SETD5: variants seen among roughly 807,000 people sequenced by gnomAD.
SETD5 encodes the protein SET domain containing 5.
Under a neutral mutation model 153.3 loss-of-function variants are expected in SETD5, and 44 were observed. That is an observed-to-expected ratio of 0.29 (90% CI 0.23 to 0.37). The LOEUF (loss-of-function observed/expected upper bound fraction) is 0.37, where lower values mean the gene tolerates loss of function less well. Among genes scored for constraint, SETD5 ranks in the 10% least tolerant of loss-of-function variants. The pLI, the probability that SETD5 is intolerant of heterozygous loss-of-function variation, is 1.00. For missense variants in SETD5, 1,544 were observed against 1,768.0 expected, an observed-to-expected ratio of 0.87 and a Z score of 2.27; for synonymous variants, 716 against 645.2, an observed-to-expected ratio of 1.11 and a Z score of -1.66.
chr3:9,436,295 T>G (rs1025254958), intron 7 of SETD5, among the ~76,000 whole-genome samples: 1 of 152,208 alleles, frequency 6.6e-6, no homozygotes, highest in African/African-American at 2.4e-5. Flanking sequence ...TTGGGTTGAT[T>G]GTTTTTCCTT....
At chr3:9,459,999 T>C (rs2043758824) in intron 17 of SETD5, among the ~76,000 whole-genome samples, 1 of 151,942 alleles carries the variant, frequency 6.6e-6, no homozygotes, top group South Asian at 2.1e-4. Context: ...TTACCATTAT[T>C]ATTTAATATA....
At chr3:9,399,887 C>T (rs1485970238) in intron 1 of SETD5, among the ~76,000 whole-genome samples, 1 of 145,018 alleles carries the variant, frequency 6.9e-6, no homozygotes, top group Admixed American at 7.1e-5. Context: ...AAGGTTGTTC[C>T]TTTGGGTTGG....
rs973542452 is a variant in SETD5, at chr3:9,478,151, A to G, written c.*2060A>G. The G allele has an allele frequency of 6.5e-6, 1 of 153,834 alleles. No individual in the cohort carries two copies. Among genetic ancestry groups the G allele is most frequent in the African/African-American group, 2.4e-5 (1 of 41,448 alleles). The allele number at this position is 153,834 out of a possible 1,614,324, so 9.5% of individuals were successfully genotyped here. A position where few individuals can be genotyped will look rare whatever the true frequency, so the allele number is the denominator to read the frequency against. On this transcript the variant is annotated 3_prime_UTR_variant, in exon 23 of 23. Transcript: ENST00000402198. ...CTTAACCATAATAATCATAAAGTTG[A>G]GAACTTCTTTGTCCAATTTTGTGGC... is the stretch of plus-strand genomic sequence containing the variant.
intron 17 of SETD5, among the ~76,000 whole-genome samples, chr3:9,459,172 G>T (rs1045864789): frequency 1.3e-5 from 2 of 152,120 alleles, no homozygotes; most frequent in African/African-American, 2.4e-5. Flanking sequence ...ACGAAACTCT[G>T]TAGTCAAATT....
At chr3:9,406,941 T>C (rs2035794196) in intron 1 of SETD5, among the ~76,000 whole-genome samples, 1 of 152,214 alleles carries the variant, frequency 6.6e-6, no homozygotes, top group Non-Finnish European at 1.5e-5. Context: ...GTCACCTTAT[T>C]GGTGGCATAT....
chr3:9,445,472 A>G, intron 12 of SETD5, 172 bp downstream of exon 12: 2 of 940,026 alleles, frequency 2.1e-6, no homozygotes, highest in Non-Finnish European at 1.6e-6. Flanking sequence ...AGTCAAAAAC[A>G]TCCTTTGCTG....
At position 9,435,885 on chromosome 3, in the gene SETD5, A is replaced by G. The variant is rs745565709; in HGVS notation, c.546A>G (p.Ala182=). Reference sequence around the variant, plus strand: ...AGAGTCCAGAAAAGGGTCGTGCAGCACCAAAGACGAAGAAAATCAAGGTAT... The same window carrying G: ...AGAGTCCAGAAAAGGGTCGTGCAGCGCCAAAGACGAAGAAAATCAAGGTAT... The part of the protein sequence containing the change: ...RKKSPEKGRA[A]PKTKKIKNSP... Residue 182 remains alanine (A), a synonymous_variant, in exon 7 of 23, where the codon GCA becomes GCG. Coordinates refer to ENST00000402198, the MANE Select transcript of SETD5 (RefSeq NM_001080517.3). 21 of 1,588,030 alleles carry G rather than the reference A, an allele frequency of 1.3e-5. No homozygotes were observed. The highest frequency in any genetic ancestry group is 1.8e-5 in the Admixed American group (1 of 55,186).
intron 1 of SETD5, among the ~76,000 whole-genome samples, chr3:9,419,122 C>T (rs534345127): frequency 1.1e-4 from 16 of 152,282 alleles, no homozygotes; most frequent in South Asian, 8.3e-4. Flanking sequence ...CCACCACACC[C>T]GGCCCACTTA....
rs117546159 is a variant in SETD5, at chr3:9,419,551, C to A, written c.-176-4916C>A. ...AAAGCACTCCAACCTGAGTGACAGA[C>A]CCTGTCTCAAAAATAAAAATAAAAA... On this transcript the variant is annotated intron_variant, in intron 1 of 22. Coordinates refer to ENST00000402198, the MANE Select transcript of SETD5 (RefSeq NM_001080517.3). 1.1e-4 allele frequency among the ~76,000 whole-genome samples: 17 copies of A among 152,152 alleles called. No homozygotes were observed. In the East Asian group the frequency reaches 3.3e-3, roughly 29 times the overall value.
intron 9 of SETD5, 113 bp downstream of exon 9, chr3:9,441,854 C>G (rs2041331890): frequency 1.6e-6 from 2 of 1,285,624 alleles, no homozygotes; most frequent in Non-Finnish European, 2.2e-6. Flanking sequence ...AATCACAACT[C>G]AGATAAGCTC....
intron 6 of SETD5, among the ~76,000 whole-genome samples, chr3:9,435,157 C>T (rs555135688): frequency 2.7e-5 from 4 of 150,340 alleles, no homozygotes; most frequent in East Asian, 2.0e-4. Flanking sequence ...GCAGGAGAAT[C>T]GCTTGAACCC....
intron 16 of SETD5, among the ~76,000 whole-genome samples, chr3:9,452,672 T>C (rs1464444062): frequency 2.0e-5 from 3 of 150,122 alleles, no homozygotes; most frequent in Non-Finnish European, 3.0e-5. Context: ...TTTTTTTTTT[T>C]TTTTTTTTTT....
At chr3:9,429,916 G>A (rs2039772298) in intron 3 of SETD5, 1 of 1,303,296 alleles carries the variant, frequency 7.7e-7, no homozygotes, top group South Asian at 1.2e-5. Flanking sequence ...GGGGCCTAGG[G>A]GGCAGCACAC....
At chr3:9,417,262 T>G (rs777255144) in intron 1 of SETD5, among the ~76,000 whole-genome samples, 5 of 152,170 alleles carry the variant, frequency 3.3e-5, no homozygotes, top group African/African-American at 1.2e-4. Context: ...GCGACTGATG[T>G]GGTTTGCTAA....
At chr3:9,462,591 AAAAAAAAAAAG>A (rs1425839123) in intron 17 of SETD5, among the ~76,000 whole-genome samples, 3 of 150,652 alleles carry the variant, frequency 2.0e-5, no homozygotes, top group Non-Finnish European at 3.0e-5. Context: ...CGTCTCAAAA[AAAAAAAAAAAG>A]AAAAAAAGAA....
At chr3:9,421,286 A>G (rs543818371) in intron 1 of SETD5, among the ~76,000 whole-genome samples, 2 of 152,128 alleles carry the variant, frequency 1.3e-5, no homozygotes, top group Admixed American at 6.5e-5. Flanking sequence ...CTCCTAATAT[A>G]GTGCCTTTTT....
intron 1 of SETD5, among the ~76,000 whole-genome samples, chr3:9,411,815 A>C (rs568302553): frequency 6.6e-6 from 1 of 152,276 alleles, no homozygotes; most frequent in South Asian, 2.1e-4. Context: ...ATAACACCTG[A>C]TTTTCAATAC....
intron 12 of SETD5, 143 bp from the exon 13 acceptor site, chr3:9,445,514 A>T: frequency 1.1e-6 from 1 of 871,756 alleles, no homozygotes; most frequent in Non-Finnish European, 1.8e-6. Flanking sequence ...GTTAGTTATC[A>T]TCTGTGTTTA....
intron 22 of SETD5, 94 bp downstream of exon 22, chr3:9,475,250 CAT>C: frequency 7.9e-7 from 1 of 1,267,608 alleles, no homozygotes; most frequent in Non-Finnish European, 1.1e-6. Context: ...GCTGTCTTTG[CAT>C]ATAGTTTCAG....
Sources: gnomAD v4.1 joint callset for allele counts (sites outside exome capture counted in the v4.1 genomes callset) on GRCh38, gnomAD v4.1.1 for gene constraint, MANE v1.5 for transcripts, NCBI Gene and HGNC (gene_info 2026-07-23, HGNC 2026-07-21) for gene names.